Variants in ERI1 observed in about 807,000 individuals in gnomAD.
The protein encoded by ERI1 is 3'-5' exoribonuclease 1.
ERI1 carries 39 observed loss-of-function variants against 39.7 expected under a neutral mutation model. That is an observed-to-expected ratio of 0.98 (90% CI 0.76 to 1.28). The LOEUF is 1.28. Among genes scored for constraint, ERI1 ranks in the 50% most tolerant of loss-of-function variants. The pLI is 0.00. For missense variants in ERI1, 581 were observed against 416.9 expected (o/e 1.39, Z -3.43); for synonymous variants, 204 against 149.6 (o/e 1.36, Z -2.65).
chr8:9,099,007 G>C (rs909760676), intron 3 of ERI1, among the ~76,000 whole-genome samples: 10 of 151,950 alleles, frequency 6.6e-5, no homozygotes, highest in African/African-American at 2.4e-4. Flanking sequence ...GCTAATTTTT[G>C]TATTTTTAGT....
At chr8:9,025,858 A>G (rs1818421610) in intron 6 of ERI1, among the ~76,000 whole-genome samples, 1 of 152,132 alleles carries the variant, frequency 6.6e-6, no homozygotes. Flanking sequence ...CCTTAGAGAT[A>G]GGACCCAACT....
chr8:9,004,180 T>C (rs1416861651), intron 1 of ERI1: 2 of 1,288,542 alleles, frequency 1.6e-6, no homozygotes, highest in East Asian at 5.5e-5. Flanking sequence ...CTTGCAATTA[T>C]CTTTCTCCTT....
chr8:9,026,153 G>A (rs1175496962), intron 6 of ERI1, among the ~76,000 whole-genome samples: 1 of 152,196 alleles, frequency 6.6e-6, no homozygotes, highest in Non-Finnish European at 1.5e-5. Context: ...TTCCACTTGT[G>A]ACGTTATGTT....
chr8:9,072,641 C>G (rs1030503400), intron 3 of ERI1: 1 of 151,956 alleles, frequency 6.6e-6, no homozygotes, highest in African/African-American at 2.4e-5. Context: ...AAAAAAAAAT[C>G]TTTGAAGCCT....
At chr8:9,060,662 T>C (rs192605188) in intron 3 of ERI1, among the ~76,000 whole-genome samples, 2 of 152,254 alleles carry the variant, frequency 1.3e-5, no homozygotes, top group East Asian at 1.9e-4. Flanking sequence ...CTAAGAACCA[T>C]TTGCCTTGTG....
At chr8:9,083,293 G>A (rs540011399) in intron 3 of ERI1, among the ~76,000 whole-genome samples, 2 of 152,270 alleles carry the variant, frequency 1.3e-5, no homozygotes, top group East Asian at 3.9e-4. Flanking sequence ...AACAATGGCT[G>A]TGCTCTGACG....
chr8:9,012,600 G>T (rs1393101830), intron 3 of ERI1, among the ~76,000 whole-genome samples: 1 of 152,174 alleles, frequency 6.6e-6, no homozygotes, highest in Non-Finnish European at 1.5e-5. Flanking sequence ...CAGTAAATTA[G>T]AAGGAAAAAT....
intron 3 of ERI1, among the ~76,000 whole-genome samples, chr8:9,087,292 C>T (rs1012036953): frequency 6.6e-6 from 1 of 151,606 alleles, no homozygotes; most frequent in Non-Finnish European, 1.5e-5. Context: ...GTTGCCCAGT[C>T]TGGAGTGTAG....
intron 6 of ERI1, among the ~76,000 whole-genome samples, chr8:9,024,576 A>G (rs1235760942): frequency 6.6e-6 from 1 of 152,010 alleles, no homozygotes; most frequent in Non-Finnish European, 1.5e-5. Flanking sequence ...GCCTCCCACC[A>G]TGCCTGGACT....
At chr8:9,094,634 T>A (rs1276789021) in intron 3 of ERI1, among the ~76,000 whole-genome samples, 1 of 152,146 alleles carries the variant, frequency 6.6e-6, no homozygotes, top group African/African-American at 2.4e-5. Context: ...TGTGTGCTAG[T>A]TGGGGAACAT....
chr8:9,004,479 G>A (rs73522592), intron 1 of ERI1, among the ~76,000 whole-genome samples: 2,972 of 137,516 alleles, frequency 0.022, 117 homozygotes, highest in African/African-American at 0.076. Flanking sequence ...GCTCTTTATA[G>A]TGATACTTTT....
At chr8:9,066,751 G>A (rs969254829) in intron 3 of ERI1, among the ~76,000 whole-genome samples, 2 of 152,254 alleles carry the variant, frequency 1.3e-5, no homozygotes, top group African/African-American at 2.4e-5. Flanking sequence ...AGCCCCCACT[G>A]CAGAGACTAA....
intron 1 of ERI1, among the ~76,000 whole-genome samples, chr8:9,006,107 G>T (rs1306529776): frequency 6.6e-6 from 1 of 152,208 alleles, no homozygotes; most frequent in African/African-American, 2.4e-5. Context: ...AACTAATTTT[G>T]TCTTTCTGCA....
intron 3 of ERI1, among the ~76,000 whole-genome samples, chr8:9,011,954 G>A (rs1351468977): frequency 6.6e-6 from 1 of 152,126 alleles, no homozygotes; most frequent in African/African-American, 2.4e-5. Context: ...TCTTTTTGCA[G>A]TAGCGGAAGT....
At chr8:9,036,501 A>G (rs1236030032), downstream of ERI1, among the ~76,000 whole-genome samples, 2 of 152,242 alleles carry the variant, frequency 1.3e-5, no homozygotes, top group African/African-American at 4.8e-5. Context: ...TTTTTTAGAC[A>G]TAATGCTTTT....
At chr8:9,025,430 A>G (rs899196774) in intron 6 of ERI1, among the ~76,000 whole-genome samples, 2 of 152,220 alleles carry the variant, frequency 1.3e-5, no homozygotes, top group Admixed American at 6.5e-5. Flanking sequence ...ATGTGATGAA[A>G]AATGTCTGTA....
At chr8:9,024,434 C>G (rs1190747635) in intron 6 of ERI1, among the ~76,000 whole-genome samples, 2 of 151,220 alleles carry the variant, frequency 1.3e-5, no homozygotes, top group Non-Finnish European at 2.9e-5. Flanking sequence ...CTTTTCTTTT[C>G]TTTCAAGACG....
intron 2 of ERI1, chr8:9,009,216 T>C (rs1466752859): frequency 2.7e-6 from 1 of 367,808 alleles, no homozygotes; most frequent in African/African-American, 2.1e-5. Context: ...TAAAGGTAAA[T>C]ACAGATATGT....
chr8:9,036,071 A>T (rs6987107), downstream of ERI1, among the ~76,000 whole-genome samples: 1 of 152,022 alleles, frequency 6.6e-6, no homozygotes, highest in Non-Finnish European at 1.5e-5. Context: ...TCTTACAGAT[A>T]AGCAAAGAAA....
Sources: allele counts gnomAD v4.1 joint callset (sites outside exome capture counted in the v4.1 genomes callset), GRCh38; gene constraint gnomAD v4.1.1; transcripts MANE v1.5; gene names NCBI Gene and HGNC (gene_info 2026-07-23, HGNC 2026-07-21).